Variants in WEE1 observed in about 807,000 individuals in gnomAD.
The protein encoded by WEE1 is WEE1 G2 checkpoint kinase.
Under a neutral mutation model 68.8 loss-of-function variants are expected in WEE1, and 16 were observed. That is an observed-to-expected ratio of 0.23 (90% CI 0.16 to 0.35). The LOEUF (loss-of-function observed/expected upper bound fraction) is 0.35, where lower values mean the gene tolerates loss of function less well. Ranked by LOEUF, WEE1 falls within the 10% of genes least tolerant of loss-of-function variation. WEE1 has a pLI of 1.00. For missense variants in WEE1, 651 were observed against 824.1 expected (o/e 0.79, Z 2.57); for synonymous variants, 349 against 318.7 (o/e 1.09, Z -1.01).
chr11:9,582,971 C>A (rs905077070), intron 6 of WEE1, among the ~76,000 whole-genome samples: 3 of 152,150 alleles, frequency 2.0e-5, no homozygotes, highest in African/African-American at 4.8e-5. Context: ...ATATAATAGA[C>A]CCTTATAAGG....
intron 6 of WEE1, among the ~76,000 whole-genome samples, chr11:9,583,771 A>G (rs1044931142): frequency 1.4e-4 from 5 of 34,908 alleles, no homozygotes; most frequent in East Asian, 6.2e-4. Flanking sequence ...GCACACACAC[A>G]CACACACACA....
At chr11:9,581,252 G>A (rs1244889327) in intron 5 of WEE1, 6 of 288,944 alleles carry the variant, frequency 2.1e-5, no homozygotes, top group Admixed American at 1.0e-4. Flanking sequence ...CAAAAAAAAA[G>A]CCAACCTGAT....
chr11:9,585,088 C>T, intron 6 of WEE1, 170 bp from the exon 7 acceptor site: 1 of 594,138 alleles, frequency 1.7e-6, no homozygotes, highest in East Asian at 2.9e-5. Flanking sequence ...AAATTCCCAG[C>T]AACTATAACC....
In WEE1 at chr11:9,573,784, C is replaced by A; in HGVS notation, c.-150C>A. 1.8e-6 allele frequency: 1 copy of A among 559,794 alleles called. No individual in the cohort carries two copies. Among genetic ancestry groups the A allele is most frequent in the Non-Finnish European group, 2.4e-6 (1 of 411,920 alleles). The allele number at this position is 559,794 out of a possible 1,614,324, so 34.7% of individuals were successfully genotyped here. A position where few individuals can be genotyped will look rare whatever the true frequency, so the allele number is the denominator to read the frequency against. On this transcript the variant is annotated 5_prime_UTR_variant, in exon 1 of 11. Coordinates refer to ENST00000450114, the MANE Select transcript of WEE1 (RefSeq NM_003390.4). ...CCGCCACCGTCCGCAGCCCGAGCGC[C>A]CCGGAGCCGCAGGCCGCCGCCGCGC...
rs1479739864 is a variant in WEE1 at position 9,586,566 on chromosome 11, A to G, written c.1588A>G (p.Arg530Gly). The change falls in exon 9 of 11, where the codon AGA (arginine) becomes GGA (glycine). Residue 530 changes from arginine to glycine, a missense_variant. By Grantham distance (125) the Arg-to-Gly change is moderately radical. Coordinates refer to ENST00000450114, the MANE Select transcript of WEE1 (RefSeq NM_003390.4). ...TCAATGGCATGAAATCAGACAGGGT[A>G]GATTACCTCGGATACCACAAGTGCT... ...GDQWHEIRQG[R>G]LPRIPQVLSQ... The G allele has an allele frequency of 2.5e-6, 4 of 1,614,210 alleles. No homozygotes were observed. Among genetic ancestry groups the G allele is most frequent in the Admixed American group, 1.7e-5 (1 of 60,022 alleles).
chr11:9,584,248 G>T (rs1849676386), intron 6 of WEE1, among the ~76,000 whole-genome samples: 1 of 152,078 alleles, frequency 6.6e-6, no homozygotes, highest in Non-Finnish European at 1.5e-5. Flanking sequence ...TGAACCTCCT[G>T]CCTCAGACTC....
In WEE1 at chr11:9,574,180, C is replaced by A. The variant is rs749583455; in HGVS notation, c.247C>A (p.Pro83Thr). The change falls in exon 1 of 11, where the codon CCC becomes ACC. Residue 83 changes from proline (P) to threonine (T), a missense_variant. Pro to Thr is a conservative substitution (Grantham distance 38). Around this residue, in one of 5 missense-constraint regions of WEE1, gnomAD observed 395 missense variants for 378.4 expected, o/e 1.04. Transcript: ENST00000450114. The surrounding 1 kb of genome is among the most constrained non-coding windows in gnomAD (Gnocchi z 4.9). ...PERRRSPGPA[P>T]GSPGELEEDL... ...GCGCCGCCGCTCGCCCGGGCCGGCC[C>A]CCGGCAGCCCCGGCGAGCTGGAGGA... 1 of 1,178,328 alleles carries A rather than the reference C, an allele frequency of 8.5e-7. No individual in the cohort carries two copies. 73.0% of individuals were successfully genotyped at this position (1,178,328 alleles called of 1,614,324 possible).
chr11:9,573,960 G>T lies in WEE1; in HGVS notation c.27G>T (p.Pro9=). 1.5e-6 allele frequency: 2 copies of T among 1,291,710 alleles called. No homozygotes were observed. The highest frequency in any genetic ancestry group is 2.0e-6 in the Non-Finnish European group (2 of 1,019,640). The allele number at this position is 1,291,710 out of a possible 1,614,324, so 80.0% of individuals were successfully genotyped here. Residue 9 remains proline (P), a synonymous_variant, in exon 1 of 11, where the codon CCG becomes CCT. Coordinates refer to ENST00000450114, the MANE Select transcript of WEE1 (RefSeq NM_003390.4). The part of the protein sequence containing the change: MSFLSRQQ[P]PPPRRAGAAC... The stretch of plus-strand genomic sequence containing the variant: ...TGAGCTTCCTGAGCCGACAGCAGCC[G>T]CCGCCACCCCGCCGCGCCGGGGCGG...
chr11:9,575,297 A>G (rs1474540966), intron 1 of WEE1: 1 of 987,072 alleles, frequency 1.0e-6, no homozygotes, highest in African/African-American at 1.7e-5. Context: ...TTAAAACTGC[A>G]GATTTTAAAG....
At chr11:9,577,918 T>G in intron 5 of WEE1, 1 of 456,154 alleles carries the variant, frequency 2.2e-6, no homozygotes. Context: ...AGGGCCGACT[T>G]ATGTCTCTCC....
chr11:9,579,464 A>G (rs999571892), intron 5 of WEE1: 2 of 152,200 alleles, frequency 1.3e-5, no homozygotes, highest in African/African-American at 4.8e-5. Flanking sequence ...ATTCATTTGC[A>G]TTATAAGCCT....
chr11:9,574,835 A>T lies in WEE1; in HGVS notation c.576+326A>T. On this transcript the variant is annotated intron_variant, in intron 1 of 10. Transcript: ENST00000450114. This position sits in a 1 kb window ranked among gnomAD's most constrained non-coding sequence, Gnocchi z 4.9. ...TGCGGCACCGATAACGCGGTTCGCG[A>T]GGATGCTGGAGGGTGCCGGCCCGGC... 1.0e-6 allele frequency: 1 copy of T among 992,162 alleles called. No homozygotes were observed. Among genetic ancestry groups the T allele is most frequent in the South Asian group, 4.7e-5 (1 of 21,346 alleles). 61.5% of individuals were successfully genotyped at this position (992,162 alleles called of 1,614,324 possible).
rs1849548293 is a variant in WEE1 at position 9,574,963 on chromosome 11, G to T, written c.576+454G>T. Reference sequence around the variant, plus strand: ...GAGTTTAAAGAAAAATAATTGTCCCGCCCTGATCGTGTCGTGTCGTGTGGC... The same window carrying T: ...GAGTTTAAAGAAAAATAATTGTCCCTCCCTGATCGTGTCGTGTCGTGTGGC... On this transcript the variant is annotated intron_variant, in intron 1 of 10. Coordinates refer to ENST00000450114, the MANE Select transcript of WEE1 (RefSeq NM_003390.4). This position sits in a 1 kb window ranked among gnomAD's most constrained non-coding sequence, Gnocchi z 4.9. The T allele has an allele frequency of 3.0e-6, 3 of 985,558 alleles. No homozygotes were observed. Among genetic ancestry groups the T allele is most frequent in the Non-Finnish European group, 3.6e-6 (3 of 830,128 alleles). The allele number at this position is 985,558 out of a possible 1,614,324, so 61.1% of individuals were successfully genotyped here. A position where few individuals can be genotyped will look rare whatever the true frequency, so the allele number is the denominator to read the frequency against.
Position 9,576,071 on chromosome 11 carries a change from A to C in WEE1, c.760A>C (p.Arg254=). Residue 254 remains arginine, a synonymous_variant, in exon 2 of 11, where the codon AGA becomes CGA. Coordinates refer to ENST00000450114, the MANE Select transcript of WEE1 (RefSeq NM_003390.4). The surrounding 1 kb of genome is among the most constrained non-coding windows in gnomAD (Gnocchi z 4.3). Reference sequence around the variant, plus strand: ...TCATTCCTCAGGACAGTGTCGTCGTAGAAAGAGAACGTATTGGAATGAGTA... The same window carrying C: ...TCATTCCTCAGGACAGTGTCGTCGTCGAAAGAGAACGTATTGGAATGAGTA... ...LLHSSGQCRR[R]KRTYWNDSCG... is the part of the protein sequence containing the mutation. 1 of 1,614,182 alleles carries C rather than the reference A, an allele frequency of 6.2e-7. No homozygotes were observed. Among genetic ancestry groups the C allele is most frequent in the Non-Finnish European group, 8.5e-7 (1 of 1,180,014 alleles).
chr11:9,575,314 C>T (rs1342834891), intron 1 of WEE1: 1 of 987,556 alleles, frequency 1.0e-6, no homozygotes, highest in Non-Finnish European at 1.2e-6. Flanking sequence ...AAAGCTGATA[C>T]TTCCAGAGAT....
intron 10 of WEE1, among the ~76,000 whole-genome samples, chr11:9,587,561 T>G (rs1849715699): frequency 6.6e-6 from 1 of 152,224 alleles, no homozygotes; most frequent in South Asian, 2.1e-4. Flanking sequence ...AGGAGATGAT[T>G]CTCATATATA....
At chr11:9,577,496 C>T in intron 5 of WEE1, 1 of 467,184 alleles carries the variant, frequency 2.1e-6, no homozygotes, top group Non-Finnish European at 3.8e-6. Context: ...GTCGCTCCAA[C>T]TGAGCTTTTT....
chr11:9,584,457 G>A (rs1320112064), intron 6 of WEE1, among the ~76,000 whole-genome samples: 1 of 152,026 alleles, frequency 6.6e-6, no homozygotes, highest in Non-Finnish European at 1.5e-5. Flanking sequence ...ATACTATACT[G>A]ATAAAACTAT....
chr11:9,584,038 G>A (rs182347936), intron 6 of WEE1, among the ~76,000 whole-genome samples: 2 of 151,226 alleles, frequency 1.3e-5, no homozygotes, highest in Non-Finnish European at 2.9e-5. Flanking sequence ...TAGAGATGGG[G>A]TTTTGTCATG....
Sources: allele counts gnomAD v4.1 joint callset (sites outside exome capture counted in the v4.1 genomes callset), GRCh38; gene constraint gnomAD v4.1.1; regional missense constraint gnomAD v4.1.1; non-coding constraint Gnocchi (gnomAD v3.1); transcripts MANE v1.5; gene names NCBI Gene and HGNC (gene_info 2026-07-23, HGNC 2026-07-21).